The following COL11A1 variants were observed in gnomAD, a reference collection of about 807,000 sequenced individuals.
The protein encoded by COL11A1 is collagen type XI alpha 1 chain, also known as collagen alpha-1(XI) chain.
COL11A1 carries 74 observed loss-of-function variants against 265.2 expected under a neutral mutation model. That is an observed-to-expected ratio of 0.28 (90% CI 0.23 to 0.34). The LOEUF is 0.34. COL11A1 is among the 10% of genes least tolerant of loss of function. The pLI is 1.00. For synonymous variants in COL11A1, 816 were observed against 727.6 expected (o/e 1.12, Z -1.96); for missense variants, 2,165 against 2,263.6 (o/e 0.96, Z 0.88).
intron 4 of COL11A1, among the ~76,000 whole-genome samples, chr1:103,041,835 C>A (rs892551570): frequency 6.6e-6 from 1 of 151,740 alleles, no homozygotes. Flanking sequence ...AAATTGAAAG[C>A]GAGAATTCCC....
intron 41 of COL11A1, among the ~76,000 whole-genome samples, chr1:102,951,995 A>C (rs1248183798): frequency 6.6e-6 from 1 of 152,170 alleles, no homozygotes; most frequent in East Asian, 1.9e-4. Context: ...AAGTATGTTT[A>C]TTATTTAAAA....
In COL11A1 at chr1:103,003,346, C is replaced by T. The variant is rs149522499; in HGVS notation, c.1945-78G>A. The T allele has an allele frequency of 4.9e-3, 6,712 of 1,380,786 alleles. 27 individuals carry two copies. The highest frequency in any genetic ancestry group is 0.035 in the Middle Eastern group (194 of 5,522). The allele number at this position is 1,380,786 out of a possible 1,614,324, so 85.5% of individuals were successfully genotyped here. ...AACATGCCTCTTTCAATGAAGAAAT[C>T]CTAAGGTTATTTTTAGAATAAAAAT... On this transcript the variant is annotated intron_variant, in intron 20 of 66. Coordinates refer to ENST00000370096, the MANE Select transcript of COL11A1 (RefSeq NM_001854.4).
chr1:103,108,381 T>A lies in COL11A1; in HGVS notation c.-203A>T. On this transcript the variant is annotated 5_prime_UTR_variant, in exon 1 of 67. Coordinates refer to ENST00000370096, the MANE Select transcript of COL11A1 (RefSeq NM_001854.4). ...CTAGCCCTTTCCTCTCCCTCTGAGTTGGCCCCACCGGCCGGGACCCTCCGG... is the reference window on the plus strand; with the variant it reads ...CTAGCCCTTTCCTCTCCCTCTGAGTAGGCCCCACCGGCCGGGACCCTCCGG... The A allele has an allele frequency of 1.6e-6, 1 of 629,930 alleles. No individual in the cohort carries two copies. Among genetic ancestry groups the A allele is most frequent in the Non-Finnish European group, 2.9e-6 (1 of 350,170 alleles). 39.0% of individuals were successfully genotyped at this position (629,930 alleles called of 1,614,324 possible). A position where few individuals can be genotyped will look rare whatever the true frequency, so the allele number is the denominator to read the frequency against.
chr1:103,043,370 G>A lies in COL11A1; in HGVS notation c.652-12126C>T, dbSNP rs1362577282. On this transcript the variant is annotated intron_variant, in intron 4 of 66. Coordinates refer to ENST00000370096, the MANE Select transcript of COL11A1 (RefSeq NM_001854.4). ...TAGCATCTCTACAAGACAATAAAAG[G>A]CATAGTTTACAGCCTGGGCTCCTTA... 3.3e-5 allele frequency among the ~76,000 whole-genome samples: 5 copies of A among 149,348 alleles called. No homozygotes were observed. The East Asian group carries it at 7.7e-4, about 23-fold the overall frequency.
intron 4 of COL11A1, among the ~76,000 whole-genome samples, chr1:103,048,440 G>A (rs1464313112): frequency 2.0e-5 from 3 of 151,932 alleles, no homozygotes; most frequent in Admixed American, 6.6e-5. Flanking sequence ...CTGTGGGATC[G>A]GTGGTGATAT....
chr1:102,907,465 G>T (rs1295305547), intron 54 of COL11A1, among the ~76,000 whole-genome samples: 1 of 151,966 alleles, frequency 6.6e-6, no homozygotes, highest in Non-Finnish European at 1.5e-5. Context: ...TAACTTAGAA[G>T]CTTCCTACAT....
rs145342760 is a variant in COL11A1 at position 102,914,272 on chromosome 1, AT to A, written c.3978+79del. 8.8e-5 allele frequency: 99 copies of A among 1,120,684 alleles called. 1 individual carries two copies. The highest frequency in any genetic ancestry group is 4.0e-4 in the Middle Eastern group (2 of 5,020). The allele number at this position is 1,120,684 out of a possible 1,614,324, so 69.4% of individuals were successfully genotyped here. ...TTTGGGAGTTCACTTAGGTTATTAG[AT>A]TTTTTTTTCTTTATTAACAATACAG... On this transcript the variant is annotated intron_variant, in intron 52 of 66. Coordinates refer to ENST00000370096, the MANE Select transcript of COL11A1 (RefSeq NM_001854.4).
At chr1:102,949,556 A>G (rs1357700893) in intron 41 of COL11A1, among the ~76,000 whole-genome samples, 1 of 152,208 alleles carries the variant, frequency 6.6e-6, no homozygotes, top group African/African-American at 2.4e-5. Flanking sequence ...AGTCCATTTT[A>G]AGAGAATTAA....
chr1:103,074,666 A>C lies in COL11A1; in HGVS notation c.603T>G (p.Asn201Lys). ...TCCTTGTTCCAAAAACCGTGATTCCATTGGTATCAACAATTGCTCTCTCAC... is the reference window on the plus strand; with the variant it reads ...TCCTTGTTCCAAAAACCGTGATTCCCTTGGTATCAACAATTGCTCTCTCAC... ...DRSERAIVDT[N>K]GITVFGTRIL... The change falls in exon 4 of 67, where the codon AAT (asparagine) becomes AAG (lysine). Residue 201 changes from asparagine (N) to lysine (K), a missense_variant. Physicochemically the swap from Asn to Lys is moderately conservative, Grantham distance 94 (BLOSUM62 0). Transcript: ENST00000370096. 6.2e-7 allele frequency: 1 copy of C among 1,613,368 alleles called. No individual in the cohort carries two copies. Among genetic ancestry groups the C allele is most frequent in the Non-Finnish European group, 8.5e-7 (1 of 1,179,612 alleles).
Position 102,959,038 on chromosome 1 carries a change from T to C in COL11A1, c.3168+2828A>G, listed in dbSNP as rs562805340. On this transcript the variant is annotated intron_variant, in intron 41 of 66. Transcript: ENST00000370096. ...GTGTTTGCTACATCTGCAATGTCCT[T>C]GGATTCCACGTTGCCCAAGTCATCG... 1.2e-3 allele frequency among the ~76,000 whole-genome samples: 190 copies of C among 152,304 alleles called. 1 individual carries two copies. The highest frequency in any genetic ancestry group is 0.01 in the Middle Eastern group (3 of 294).
At chr1:103,040,585 A>G (rs1431082128) in intron 4 of COL11A1, among the ~76,000 whole-genome samples, 1 of 151,612 alleles carries the variant, frequency 6.6e-6, no homozygotes, top group Non-Finnish European at 1.5e-5. Context: ...AACATTTAAA[A>G]TGTTACCACA....
chr1:102,943,917 A>C (rs143659293), intron 42 of COL11A1, among the ~76,000 whole-genome samples: 1,542 of 152,194 alleles, frequency 0.01, 30 homozygotes, highest in African/African-American at 0.035. Context: ...TTTTCATTAG[A>C]ATCAGTTTCC....
intron 37 of COL11A1, among the ~76,000 whole-genome samples, chr1:102,966,038 G>T (rs772687503): frequency 6.6e-6 from 1 of 152,018 alleles, no homozygotes; most frequent in East Asian, 1.9e-4. Flanking sequence ...TTATTTTAGC[G>T]TTTATCAATA....
At chr1:103,047,068 G>A (rs181108881) in intron 4 of COL11A1, among the ~76,000 whole-genome samples, 14 of 152,192 alleles carry the variant, frequency 9.2e-5, no homozygotes, top group African/African-American at 2.4e-4. Flanking sequence ...ATTTTGGCTT[G>A]GGATTGACTT....
chr1:103,030,473 AC>A (rs1445909933), intron 5 of COL11A1, among the ~76,000 whole-genome samples: 3 of 151,964 alleles, frequency 2.0e-5, no homozygotes, highest in Admixed American at 1.3e-4. Flanking sequence ...GAAAAATACT[AC>A]CTGATTCATT....
At chr1:103,101,149 A>T (rs1674232383) in intron 1 of COL11A1, among the ~76,000 whole-genome samples, 1 of 151,890 alleles carries the variant, frequency 6.6e-6, no homozygotes, top group Non-Finnish European at 1.5e-5. Context: ...GAGGTTTAAC[A>T]TCACTAAAGT....
At chr1:103,034,350 G>T (rs550620813) in intron 4 of COL11A1, among the ~76,000 whole-genome samples, 2 of 151,726 alleles carry the variant, frequency 1.3e-5, no homozygotes, top group Non-Finnish European at 2.9e-5. Context: ...GTGGTGTCCC[G>T]CACTGAGGCT....
intron 41 of COL11A1, among the ~76,000 whole-genome samples, chr1:102,960,345 G>A (rs1311614935): frequency 5.3e-5 from 8 of 152,082 alleles, no homozygotes; most frequent in African/African-American, 1.9e-4. Context: ...GTAAGTGTGA[G>A]ATGATTACTG....
chr1:103,024,314 T>C (rs980477702), intron 7 of COL11A1, among the ~76,000 whole-genome samples: 2 of 152,152 alleles, frequency 1.3e-5, no homozygotes, highest in Admixed American at 6.6e-5. Context: ...GATTTATTTG[T>C]AAAGACAGGA....
Sources: gnomAD v4.1 joint callset for allele counts (sites outside exome capture counted in the v4.1 genomes callset) on GRCh38, gnomAD v4.1.1 for gene constraint, MANE v1.5 for transcripts, NCBI Gene and HGNC (gene_info 2026-07-23, HGNC 2026-07-21) for gene names.